Variants in SLMAP observed in about 807,000 individuals in gnomAD.
SLMAP encodes the protein sarcolemma associated protein, also known as sarcolemmal membrane-associated protein.
SLMAP carries 44 observed loss-of-function variants against 128.8 expected under a neutral mutation model. The ratio of observed to expected loss-of-function variants is 0.34; its 90% CI spans 0.27 to 0.44. The LOEUF is 0.44. SLMAP is among the 20% of genes least tolerant of loss of function. The pLI, the probability that SLMAP is intolerant of heterozygous loss-of-function variation, is 1.00. For missense variants in SLMAP, 787 were observed against 985.3 expected (o/e 0.80, Z 2.69); for synonymous variants, 327 against 348.8 (o/e 0.94, Z 0.70).
At chr3:57,834,693 A>G (rs1277951044) in intron 3 of SLMAP, among the ~76,000 whole-genome samples, 2 of 152,178 alleles carry the variant, frequency 1.3e-5, no homozygotes, top group Non-Finnish European at 1.5e-5. Flanking sequence ...TTCCAAACAT[A>G]AAGATGGAAA....
intron 14 of SLMAP, among the ~76,000 whole-genome samples, chr3:57,879,170 CTTTT>C (rs1476519701): frequency 1.3e-5 from 2 of 152,170 alleles, no homozygotes; most frequent in African/African-American, 2.4e-5. Context: ...CTTTGAACTT[CTTTT>C]GAGTGTATTG....
intron 14 of SLMAP, among the ~76,000 whole-genome samples, chr3:57,874,054 C>T (rs567642474): frequency 9.2e-5 from 14 of 151,858 alleles, no homozygotes; most frequent in Non-Finnish European, 1.6e-4. Flanking sequence ...ACCTGGGAGA[C>T]GGAGGTTGCA....
At position 57,794,048 on chromosome 3, in the gene SLMAP, C is replaced by CAG. The variant is rs750651612; in HGVS notation, c.198+36211_198+36212dup. Among the ~76,000 whole-genome samples the CAG allele has an allele frequency of 7.2e-5, 11 of 151,850 alleles. No individual in the cohort carries two copies. In the South Asian group the frequency reaches 8.3e-4, roughly 11 times the overall value. On this transcript the variant is annotated intron_variant, in intron 2 of 24. Transcript: ENST00000671191. ...AGTTACTGTATTCCAGCCTGGGTAA[C>CAG]AGAGAGAGAGAGACCCTTTCTTAAA...
At chr3:57,775,864 A>G (rs2081826815) in intron 2 of SLMAP, among the ~76,000 whole-genome samples, 1 of 151,932 alleles carries the variant, frequency 6.6e-6, no homozygotes, top group South Asian at 2.1e-4. Flanking sequence ...ACACCTGACT[A>G]CTTTTTGTAT....
chr3:57,837,434 T>C (rs910803529), intron 3 of SLMAP, among the ~76,000 whole-genome samples: 1 of 152,192 alleles, frequency 6.6e-6, no homozygotes, highest in African/African-American at 2.4e-5. Context: ...AGTGGCACGA[T>C]TTCGGTTCAC....
intron 4 of SLMAP, 22 bp downstream of exon 4, chr3:57,841,393 G>T (rs1167087800): frequency 6.7e-7 from 1 of 1,500,124 alleles, no homozygotes; most frequent in East Asian, 2.3e-5. Flanking sequence ...TTAGTACTGT[G>T]AAGTTTTTGT....
At chr3:57,849,894 C>A in intron 6 of SLMAP, 78 bp downstream of exon 6, 1 of 841,004 alleles carries the variant, frequency 1.2e-6, no homozygotes, top group Admixed American at 1.7e-5. Context: ...AGAATTAGGG[C>A]CAGGCATGGT....
chr3:57,816,195 G>C (rs902591995), intron 2 of SLMAP, among the ~76,000 whole-genome samples: 1 of 152,154 alleles, frequency 6.6e-6, no homozygotes, highest in Non-Finnish European at 1.5e-5. Flanking sequence ...CCAGGCTGGA[G>C]TACAGTGATG....
In SLMAP at chr3:57,929,452, AAG is replaced by A. The variant is rs1437397668; in HGVS notation, c.*2164_*2165del. 7.2e-5 allele frequency among the ~76,000 whole-genome samples: 11 copies of A among 152,310 alleles called. No individual in the cohort carries two copies. In the East Asian group the frequency reaches 2.1e-3, roughly 29 times the overall value. ...TCTAGTATCAATATTTACTTCATTCAAGTGGAATAAATGGCTTTTTGTAGTTA... is the reference window on the plus strand; with the variant it reads ...TCTAGTATCAATATTTACTTCATTCATGGAATAAATGGCTTTTTGTAGTTA... On this transcript the variant is annotated 3_prime_UTR_variant, in exon 25 of 25. Coordinates refer to ENST00000671191, the MANE Select transcript of SLMAP (RefSeq NM_001377540.1).
intron 21 of SLMAP, among the ~76,000 whole-genome samples, chr3:57,914,269 C>T (rs1349451674): frequency 2.0e-5 from 3 of 152,004 alleles, no homozygotes; most frequent in African/African-American, 4.8e-5. Context: ...TTAGCCTGGC[C>T]TGTAGTCCCA....
At chr3:57,880,600 A>G (rs1174297639) in intron 14 of SLMAP, among the ~76,000 whole-genome samples, 1 of 149,482 alleles carries the variant, frequency 6.7e-6, no homozygotes, top group Non-Finnish European at 1.5e-5. Context: ...TTTTAAGGCC[A>G]TGTACAGTGG....
chr3:57,906,302 T>TTTTTTTCTTTTTC (rs2096544720), intron 17 of SLMAP, among the ~76,000 whole-genome samples: 2 of 97,812 alleles, frequency 2.0e-5, no homozygotes, highest in Non-Finnish European at 4.2e-5. Flanking sequence ...ATTTTTTTCT[T>TTTTTTTCTTTTTC]TTTTTTTCTT....
chr3:57,865,104 T>C (rs1575428650), intron 12 of SLMAP, 138 bp from the exon 13 acceptor site: 1 of 603,136 alleles, frequency 1.7e-6, no homozygotes, highest in South Asian at 2.6e-5. Flanking sequence ...ATAAGAAAAG[T>C]ACATGAACAG....
chr3:57,924,612 C>T (rs962542361), intron 23 of SLMAP, among the ~76,000 whole-genome samples: 3 of 152,110 alleles, frequency 2.0e-5, no homozygotes, highest in Non-Finnish European at 4.4e-5. Flanking sequence ...GGTGATCTGC[C>T]TGCCTTGGCC....
At chr3:57,917,321 C>A in intron 22 of SLMAP, 2 of 928,646 alleles carry the variant, frequency 2.2e-6, no homozygotes, top group Non-Finnish European at 3.0e-6. Context: ...TTTTCTCTAC[C>A]AGTTACTTAT....
chr3:57,862,177 G>A (rs529740574), intron 10 of SLMAP, 91 bp downstream of exon 10: 28 of 1,066,524 alleles, frequency 2.6e-5, no homozygotes, highest in Middle Eastern at 3.2e-4. Flanking sequence ...TTAGCTGGGC[G>A]TGGGGTGGCG....
chr3:57,873,331 C>T (rs1294843976), intron 14 of SLMAP, among the ~76,000 whole-genome samples: 3 of 151,920 alleles, frequency 2.0e-5, no homozygotes, highest in South Asian at 4.2e-4. Context: ...GGTGAAACCC[C>T]ATCTCTACTA....
In SLMAP at chr3:57,925,901, G is replaced by A; in HGVS notation, c.2502G>A (p.Leu834=). 6.4e-7 allele frequency: 1 copy of A among 1,551,056 alleles called. No individual in the cohort carries two copies. Among genetic ancestry groups the A allele is most frequent in the Non-Finnish European group, 8.7e-7 (1 of 1,147,046 alleles). The change falls in exon 24 of 25, where the codon CTG becomes CTA. Residue 834 remains leucine, a synonymous_variant. Transcript: ENST00000671191. ...TCATCGGCCTATTCCTGGCTTTCCT[G>A]TTTTGGTGTTTCGGTCCATTGTGGT... is the stretch of plus-strand genomic sequence containing the variant. ...AVFIGLFLAF[L]FWCFGPLW
intron 2 of SLMAP, among the ~76,000 whole-genome samples, chr3:57,767,526 C>T (rs1025326084): frequency 2.0e-5 from 3 of 152,088 alleles, no homozygotes; most frequent in Non-Finnish European, 4.4e-5. Flanking sequence ...GTTTTTGGAT[C>T]GTAGATCCAA....
Sources: allele counts gnomAD v4.1 joint callset (sites outside exome capture counted in the v4.1 genomes callset), GRCh38; gene constraint gnomAD v4.1.1; transcripts MANE v1.5; gene names NCBI Gene and HGNC (gene_info 2026-07-23, HGNC 2026-07-21).